ANKHD1: variants seen among roughly 807,000 people sequenced by gnomAD.
The protein encoded by ANKHD1 is ankyrin repeat and KH domain containing 1.
Under a neutral mutation model 230.5 loss-of-function variants are expected in ANKHD1, and 31 were observed. The observed-to-expected ratio is 0.13, with a 90% CI of 0.10 to 0.18. The LOEUF (loss-of-function observed/expected upper bound fraction) is 0.18. Ranked by LOEUF, ANKHD1 falls within the 10% of genes least tolerant of loss-of-function variation. The pLI, the probability that ANKHD1 is intolerant of heterozygous loss-of-function variation, is 1.00. For synonymous variants in ANKHD1, 1,074 were observed against 1,117.6 expected (o/e 0.96, Z 0.78); for missense variants, 2,256 against 3,071.3 (o/e 0.73, Z 6.27).
intron 29 of ANKHD1, chr5:140,532,846 G>A (rs1343794819): frequency 2.6e-5 from 11 of 415,456 alleles, no homozygotes; most frequent in Middle Eastern, 3.5e-4. Flanking sequence ...GGTGGCTCAC[G>A]CCTGTGCTGG....
At chr5:140,508,712 C>T (rs1001721418) in intron 20 of ANKHD1, among the ~76,000 whole-genome samples, 6 of 151,822 alleles carry the variant, frequency 4.0e-5, no homozygotes, top group South Asian at 2.1e-4. Context: ...GCAGAGATCA[C>T]GCCATTGCAC....
intron 14 of ANKHD1, among the ~76,000 whole-genome samples, chr5:140,490,401 A>T (rs192647063): frequency 6.6e-6 from 1 of 152,250 alleles, no homozygotes. Flanking sequence ...CATGTGTACC[A>T]TTTGTACAGG....
At chr5:140,471,685 CCT>C (rs535684258) in intron 10 of ANKHD1, among the ~76,000 whole-genome samples, 2 of 152,082 alleles carry the variant, frequency 1.3e-5, no homozygotes, top group Non-Finnish European at 2.9e-5. Flanking sequence ...AAGTTGTATC[CCT>C]GTCTCACCTT....
chr5:140,529,860 G>C (rs918742987), intron 29 of ANKHD1, 64 bp downstream of exon 29: 15 of 1,550,742 alleles, frequency 9.7e-6, no homozygotes, highest in Non-Finnish European at 1.2e-5. Context: ...CACCTTAAGT[G>C]GACAAAAAAA....
chr5:140,482,460 A>C lies in ANKHD1; in HGVS notation c.1783-120A>C, dbSNP rs1276260617. On this transcript the variant is annotated intron_variant, in intron 10 of 33. Transcript: ENST00000360839. ...GGGGGAATTGAGGTAGGTGGTATAA[A>C]GTGTCTACAATGAGTAAGTATATTA... 3.7e-6 allele frequency: 4 copies of C among 1,081,300 alleles called. No individual in the cohort carries two copies. In the South Asian group the frequency reaches 6.8e-5, roughly 18 times the overall value. The allele number at this position is 1,081,300 out of a possible 1,614,324, so 67.0% of individuals were successfully genotyped here.
At chr5:140,446,141 T>G (rs1270055486) in intron 6 of ANKHD1, among the ~76,000 whole-genome samples, 166 bp downstream of exon 6, 1 of 152,192 alleles carries the variant, frequency 6.6e-6, no homozygotes, top group African/African-American at 2.4e-5. Context: ...CTATATTGCC[T>G]GTAATATAGT....
At position 140,500,635 on chromosome 5, in the gene ANKHD1, C is replaced by T. The variant is rs1332660222; in HGVS notation, c.3004+3357C>T. 7.6e-5 allele frequency among the ~76,000 whole-genome samples: 9 copies of T among 118,898 alleles called. No homozygotes were observed. In the East Asian group the frequency reaches 7.6e-4, roughly 10 times the overall value. The allele number at this position is 118,898 out of a possible 152,430, so 78.0% of individuals were successfully genotyped here. On this transcript the variant is annotated intron_variant, in intron 15 of 33. Transcript: ENST00000360839. ...TGCACTCCAGCATGGGGCAACAGAG[C>T]GAGACTCTGTCTCAAAAAAAAAAAA...
At position 140,505,634 on chromosome 5, in the gene ANKHD1, T is replaced by C. The variant is rs985340692; in HGVS notation, c.3263-90T>C. On this transcript the variant is annotated intron_variant, in intron 17 of 33. Coordinates refer to ENST00000360839, the MANE Select transcript of ANKHD1 (RefSeq NM_017747.3). ...ATCAGTGTCTGCCCTGAAGGATTTATTTTGCTAAAATACTAGAGAATTGTA... is the reference window on the plus strand; with the variant it reads ...ATCAGTGTCTGCCCTGAAGGATTTACTTTGCTAAAATACTAGAGAATTGTA... The C allele has an allele frequency of 6.0e-6, 9 of 1,487,812 alleles. No homozygotes were observed. In the African/African-American group the frequency reaches 1.3e-4, roughly 21 times the overall value. The allele number at this position is 1,487,812 out of a possible 1,614,324, so 92.2% of individuals were successfully genotyped here.
intron 1 of ANKHD1, among the ~76,000 whole-genome samples, chr5:140,432,242 C>T (rs1451734500): frequency 1.3e-5 from 2 of 152,210 alleles, no homozygotes; most frequent in African/African-American, 4.8e-5. Flanking sequence ...CTTACAGTCA[C>T]TCCTATTCTT....
At chr5:140,478,565 A>G (rs1319008467) in intron 10 of ANKHD1, among the ~76,000 whole-genome samples, 3 of 152,226 alleles carry the variant, frequency 2.0e-5, no homozygotes, top group Admixed American at 2.0e-4. Flanking sequence ...TTGAATCAGT[A>G]GTTTACCCAT....
chr5:140,435,223 A>G (rs1228696500), intron 1 of ANKHD1, among the ~76,000 whole-genome samples: 1 of 152,142 alleles, frequency 6.6e-6, no homozygotes, highest in Non-Finnish European at 1.5e-5. Context: ...AATTGAATAA[A>G]TTATTTAGAA....
At chr5:140,425,737 C>G (rs369710466) in intron 1 of ANKHD1, among the ~76,000 whole-genome samples, 9 of 152,128 alleles carry the variant, frequency 5.9e-5, no homozygotes, top group African/African-American at 2.2e-4. Flanking sequence ...AAACTCACCC[C>G]TAAGTTTGTC....
intron 24 of ANKHD1, among the ~76,000 whole-genome samples, chr5:140,519,751 T>C (rs1753230215): frequency 6.6e-6 from 1 of 152,134 alleles, no homozygotes; most frequent in Admixed American, 6.6e-5. Context: ...CTGGATCCCT[T>C]CCTTACACCT....
chr5:140,475,892 A>G (rs139374718), intron 10 of ANKHD1, among the ~76,000 whole-genome samples: 429 of 152,350 alleles, frequency 2.8e-3, no homozygotes, highest in African/African-American at 9.6e-3. Flanking sequence ...ATCAAGAAAG[A>G]TAGTCAAAAT....
chr5:140,446,109 T>A, intron 6 of ANKHD1, 134 bp downstream of exon 6: 1 of 897,388 alleles, frequency 1.1e-6, no homozygotes, highest in Non-Finnish European at 1.5e-6. Flanking sequence ...TATAAGAAAT[T>A]ATATAGAAAG....
chr5:140,510,293 CT>C, intron 22 of ANKHD1, 112 bp downstream of exon 22: 1 of 967,696 alleles, frequency 1.0e-6, no homozygotes, highest in South Asian at 2.7e-5. Flanking sequence ...AGAAAAATCA[CT>C]GCTATCTTTC....
intron 6 of ANKHD1, among the ~76,000 whole-genome samples, chr5:140,447,331 T>C (rs1263547855): frequency 6.6e-6 from 1 of 152,170 alleles, no homozygotes; most frequent in Non-Finnish European, 1.5e-5. Context: ...GCCTCCTGAA[T>C]AGCTAGGATT....
At chr5:140,424,758 G>C (rs1012626112) in intron 1 of ANKHD1, among the ~76,000 whole-genome samples, 30 of 152,192 alleles carry the variant, frequency 2.0e-4, no homozygotes, top group Admixed American at 1.3e-4. Flanking sequence ...TGTTAGGACA[G>C]CTGTAGATTT....
chr5:140,447,106 A>G (rs1490990884), intron 6 of ANKHD1, among the ~76,000 whole-genome samples: 1 of 151,910 alleles, frequency 6.6e-6, no homozygotes, highest in African/African-American at 2.4e-5. Flanking sequence ...ACAGGGTTTC[A>G]TCATATTAGT....
Sources: gnomAD v4.1 joint callset for allele counts (sites outside exome capture counted in the v4.1 genomes callset) on GRCh38, gnomAD v4.1.1 for gene constraint, MANE v1.5 for transcripts, NCBI Gene and HGNC (gene_info 2026-07-23, HGNC 2026-07-21) for gene names.